Variants in PRDM1 observed in about 807,000 individuals in gnomAD.
PRDM1 encodes PR domain zinc finger protein 1.
Under a neutral mutation model 62.8 loss-of-function variants are expected in PRDM1, and 13 were observed. That is an observed-to-expected ratio of 0.21 (90% confidence interval 0.13 to 0.33). The LOEUF (loss-of-function observed/expected upper bound fraction) is 0.33, where lower values mean the gene tolerates loss of function less well. Ranked by LOEUF, PRDM1 falls within the 10% of genes least tolerant of loss-of-function variation. The probability of loss-of-function intolerance (pLI) is 1.00; values close to 1 mark genes in which losing one functional copy is unlikely to be tolerated. For missense variants in PRDM1, 895 were observed against 1,058.8 expected (o/e 0.85, Z 2.15); for synonymous variants, 396 against 417.6 (o/e 0.95, Z 0.63).
At chr6:106,015,863 A>T (rs866689695) in intron 1 of PRDM1, among the ~76,000 whole-genome samples, 1 of 152,054 alleles carries the variant, frequency 6.6e-6, no homozygotes, top group Non-Finnish European at 1.5e-5. Context: ...CATTTTAACC[A>T]TCTTCAAGTA....
intron 1 of PRDM1, among the ~76,000 whole-genome samples, chr6:106,067,900 A>G (rs1339031446): frequency 2.6e-5 from 4 of 152,218 alleles, no homozygotes; most frequent in Non-Finnish European, 5.9e-5. Flanking sequence ...CCACAATAAA[A>G]AAATGTACAT....
chr6:106,059,652 A>G (rs1399220612), intron 1 of PRDM1, among the ~76,000 whole-genome samples: 1 of 152,236 alleles, frequency 6.6e-6, no homozygotes, highest in Admixed American at 6.5e-5. Context: ...TGAAGAATAC[A>G]TGGTAGAGGA....
chr6:106,105,471 T>C lies in PRDM1; in HGVS notation c.1311T>C (p.Phe437=), dbSNP rs768293516. 2.4e-5 allele frequency: 39 copies of C among 1,613,982 alleles called. No individual in the cohort carries two copies. In the East Asian group the frequency reaches 7.1e-4, roughly 30 times the overall value. Residue 437 remains phenylalanine, a synonymous_variant, in exon 5 of 7, where the codon TTT becomes TTC. Coordinates refer to ENST00000369096, the MANE Select transcript of PRDM1 (RefSeq NM_001198.4). ...AVSSMNGINN[F]GLFPRLCPVY... ...GCAGCATGAATGGCATCAACAACTT[T>C]GGCCTCTTCCCGAGGCTGTGCCCTG...
rs1312368660 is a variant in PRDM1, at chr6:106,105,027, C to T, written c.867C>T (p.Pro289=). The change falls in exon 5 of 7, where the codon CCC becomes CCT. Residue 289 remains proline (P), a synonymous_variant. Coordinates refer to ENST00000369096, the MANE Select transcript of PRDM1 (RefSeq NM_001198.4). ...ATGACTTTAGAAGACGTGGGAGCCC[C>T]GAAATGCCCTTCTACCCTCGGGTCG... The part of the protein sequence containing the change: ...DLDDFRRRGS[P]EMPFYPRVVY... 1.2e-6 allele frequency: 2 copies of T among 1,614,098 alleles called. No homozygotes were observed. The highest frequency in any genetic ancestry group is 1.1e-5 in the South Asian group (1 of 91,076).
chr6:106,081,212 G>A (rs1002957319), intron 1 of PRDM1, among the ~76,000 whole-genome samples: 4 of 152,158 alleles, frequency 2.6e-5, no homozygotes, highest in Admixed American at 6.5e-5. Flanking sequence ...TGGTTTAGGC[G>A]GGTTGAACTT....
At chr6:106,013,148 T>C (rs1333295852) in intron 1 of PRDM1, among the ~76,000 whole-genome samples, 1 of 151,722 alleles carries the variant, frequency 6.6e-6, no homozygotes, top group East Asian at 2.0e-4. Context: ...CCTCCCAAAG[T>C]GCTGAGATTA....
rs2114653553 is a variant in PRDM1 at position 106,105,252 on chromosome 6, C to T, written c.1092C>T (p.Gly364=). 1 of 1,613,688 alleles carries T rather than the reference C, an allele frequency of 6.2e-7. No individual in the cohort carries two copies. The highest frequency in any genetic ancestry group is 8.5e-7 in the Non-Finnish European group (1 of 1,179,970). Residue 364 remains glycine (G), a synonymous_variant, in exon 5 of 7, where the codon GGC becomes GGT. Coordinates refer to ENST00000369096, the MANE Select transcript of PRDM1 (RefSeq NM_001198.4). ...CTGGGAATACGGTGTCCCCTGTGGG[C>T]CCCGGCTCTCAAGAGCACCGGGACT... ...SSPGNTVSPV[G]PGSQEHRDSY...
chr6:106,020,653 C>A (rs182937207), intron 1 of PRDM1, among the ~76,000 whole-genome samples: 1 of 152,110 alleles, frequency 6.6e-6, no homozygotes, highest in Non-Finnish European at 1.5e-5. Context: ...CTATTATGCA[C>A]CCCCCACCAT....
intron 1 of PRDM1, among the ~76,000 whole-genome samples, chr6:106,030,761 T>C (rs1296240143): frequency 1.3e-5 from 2 of 152,184 alleles, no homozygotes; most frequent in Non-Finnish European, 2.9e-5. Context: ...ATCCAGTTGG[T>C]CCAGCACCGT....
rs751160979 is a variant in PRDM1 at position 106,107,425 on chromosome 6, A to T, written c.2417A>T (p.Asn806Ile). 2 of 1,613,928 alleles carry T rather than the reference A, an allele frequency of 1.2e-6. No homozygotes were observed. The highest frequency in any genetic ancestry group is 1.7e-6 in the Non-Finnish European group (2 of 1,180,004). ...DLPLMKLPPS[N>I]PLPLVPVKVK... ...CCCCTCATGAAGTTGCCTCCCAGCA[A>T]CCCACTACCTCTGGTACCTGTAAAG... Residue 806 changes from asparagine (N) to isoleucine (I), a missense_variant, in exon 7 of 7, where the codon AAC becomes ATC. Around this residue, in one of 4 missense-constraint regions of PRDM1, gnomAD observed 164 missense variants for 179.9 expected, o/e 0.91. Transcript: ENST00000369096.
intron 1 of PRDM1, among the ~76,000 whole-genome samples, chr6:106,080,967 G>A (rs1773685104): frequency 6.6e-6 from 1 of 152,218 alleles, no homozygotes; most frequent in Non-Finnish European, 1.5e-5. Context: ...GCTGTAGATG[G>A]AGAACAGATA....
At chr6:106,060,303 G>C (rs1362320859) in intron 1 of PRDM1, among the ~76,000 whole-genome samples, 1 of 152,206 alleles carries the variant, frequency 6.6e-6, no homozygotes, top group African/African-American at 2.4e-5. Flanking sequence ...GAGCACGATT[G>C]TGTCAAGTGC....
chr6:105,993,221 T>G (rs1015574468), upstream of PRDM1, among the ~76,000 whole-genome samples: 90 of 152,260 alleles, frequency 5.9e-4, no homozygotes, highest in African/African-American at 2.1e-3. Flanking sequence ...GGAACTGAAG[T>G]CCTAACTTTG....
chr6:106,086,489 G>T lies in PRDM1; in HGVS notation c.-65G>T. On this transcript the variant is annotated 5_prime_UTR_variant, in exon 1 of 7. Coordinates refer to ENST00000369096, the MANE Select transcript of PRDM1 (RefSeq NM_001198.4). ...GACCGCCGAGGTGCGCGTCTGTGCG[G>T]CTCAGCCTGGCGGGGGACGCGGGGA... is the stretch of plus-strand genomic sequence containing the variant. The T allele has an allele frequency of 1.3e-6, 2 of 1,489,426 alleles. No individual in the cohort carries two copies. Among genetic ancestry groups the T allele is most frequent in the Non-Finnish European group, 1.8e-6 (2 of 1,094,070 alleles). The allele number at this position is 1,489,426 out of a possible 1,614,324, so 92.3% of individuals were successfully genotyped here.
chr6:106,099,598 G>T (rs774798946), intron 4 of PRDM1, 46 bp downstream of exon 4: 1 of 1,603,592 alleles, frequency 6.2e-7, no homozygotes, highest in East Asian at 2.2e-5. Context: ...CAGTAATGTC[G>T]GTTCTGCCCC....
chr6:106,061,898 T>C (rs1773350529), intron 1 of PRDM1, among the ~76,000 whole-genome samples: 2 of 152,220 alleles, frequency 1.3e-5, no homozygotes, highest in Admixed American at 1.3e-4. Context: ...TGACAGACTT[T>C]AAAGCACCAT....
At chr6:106,024,653 A>G (rs1772742348) in intron 1 of PRDM1, among the ~76,000 whole-genome samples, 1 of 152,146 alleles carries the variant, frequency 6.6e-6, no homozygotes, top group South Asian at 2.1e-4. Context: ...AGCTTTTTAA[A>G]TCTCACCAAA....
At chr6:106,089,779 G>C (rs774398961) in intron 2 of PRDM1, among the ~76,000 whole-genome samples, 6 of 152,176 alleles carry the variant, frequency 3.9e-5, no homozygotes, top group Non-Finnish European at 8.8e-5. Context: ...TGTAGGATTT[G>C]TTTGGGTATA....
chr6:106,099,467 C>T lies in PRDM1; in HGVS notation c.579C>T (p.Asn193=), dbSNP rs1774204641. 1 of 1,614,106 alleles carries T rather than the reference C, an allele frequency of 6.2e-7. No homozygotes were observed. Among genetic ancestry groups the T allele is most frequent in the African/African-American group, 1.3e-5 (1 of 74,940 alleles). The stretch of plus-strand genomic sequence containing the variant: ...ACACCATTAAGCCCATCCCTGCCAA[C>T]CAGGAACTTCTTGTGTGGTATTGTC... ...YFYTIKPIPA[N]QELLVWYCRD... The change falls in exon 4 of 7, where the codon AAC becomes AAT. Residue 193 remains asparagine, a synonymous_variant. Coordinates refer to ENST00000369096, the MANE Select transcript of PRDM1 (RefSeq NM_001198.4).
Sources: gnomAD v4.1 joint callset for allele counts (sites outside exome capture counted in the v4.1 genomes callset) on GRCh38, gnomAD v4.1.1 for gene constraint, gnomAD v4.1.1 regional missense constraint, MANE v1.5 for transcripts, NCBI Gene and HGNC (gene_info 2026-07-23, HGNC 2026-07-21) for gene names.